Variants in CTNNA2 observed in about 807,000 individuals in gnomAD.
CTNNA2 encodes catenin alpha-2.
A neutral mutation model predicts 101.0 loss-of-function variants in CTNNA2; 42 were observed. That is an observed-to-expected ratio of 0.42 (90% CI 0.32 to 0.54). The LOEUF (loss-of-function observed/expected upper bound fraction) is 0.54. Ranked by LOEUF, CTNNA2 falls within the 20% of genes least tolerant of loss-of-function variation. The pLI is 0.14. For missense variants in CTNNA2, 871 were observed against 1,223.1 expected, an observed-to-expected ratio of 0.71 and a Z score of 4.29; for synonymous variants, 450 against 456.4, an observed-to-expected ratio of 0.99 and a Z score of 0.18.
chr2:79,321,712 C>T (rs1676627820), intron 3 of CTNNA2, among the ~76,000 whole-genome samples: 1 of 152,178 alleles, frequency 6.6e-6, no homozygotes, highest in Admixed American at 6.5e-5. Context: ...CTGTCTCTGG[C>T]TACCTTCGTG....
chr2:79,297,718 T>A (rs1676014824), intron 2 of CTNNA2, among the ~76,000 whole-genome samples: 2 of 152,218 alleles, frequency 1.3e-5, no homozygotes, highest in Non-Finnish European at 2.9e-5. Flanking sequence ...CTCATTGCTT[T>A]AACTCTATCA....
chr2:79,692,723 C>T (rs148557380), intron 2 of CTNNA2, among the ~76,000 whole-genome samples: 10,662 of 151,734 alleles, frequency 0.07, 410 homozygotes, highest in Non-Finnish European at 0.088. Flanking sequence ...GTCCTTTGCA[C>T]GGACATGGAT....
chr2:79,198,518 T>C (rs1673991535), intron 2 of CTNNA2, among the ~76,000 whole-genome samples: 1 of 152,186 alleles, frequency 6.6e-6, no homozygotes, highest in East Asian at 1.9e-4. Flanking sequence ...AGAGTGACTC[T>C]CTCTGAGGAA....
chr2:80,248,985 C>T lies in CTNNA2; in HGVS notation c.1057-144226C>T, dbSNP rs141931729. On this transcript the variant is annotated intron_variant, in intron 7 of 18. Coordinates refer to ENST00000402739, the MANE Select transcript of CTNNA2 (RefSeq NM_001282597.3). ...TTACATGCTGAACATGGTGATTGCACGGTCAGGTGGCAGAGCCTGATTTAC... is the reference window on the plus strand; with the variant it reads ...TTACATGCTGAACATGGTGATTGCATGGTCAGGTGGCAGAGCCTGATTTAC... Among the ~76,000 whole-genome samples the T allele has an allele frequency of 4.4e-3, 671 of 152,216 alleles. 4 individuals carry two copies. The highest frequency in any genetic ancestry group is 4.7e-3 in the Non-Finnish European group (323 of 68,024).
intron 2 of CTNNA2, among the ~76,000 whole-genome samples, chr2:79,304,861 G>C (rs1676195999): frequency 6.6e-6 from 1 of 152,160 alleles, no homozygotes; most frequent in Non-Finnish European, 1.5e-5. Context: ...GAGGCATGAA[G>C]AAATGAATTG....
chr2:79,834,914 A>G (rs969885356), intron 3 of CTNNA2, among the ~76,000 whole-genome samples: 2 of 152,022 alleles, frequency 1.3e-5, no homozygotes, highest in Non-Finnish European at 2.9e-5. Flanking sequence ...TTCTTAGTCA[A>G]TATTTAGCAC....
At chr2:80,166,344 G>A (rs556912651) in intron 7 of CTNNA2, among the ~76,000 whole-genome samples, 71 of 152,270 alleles carry the variant, frequency 4.7e-4, no homozygotes, top group African/African-American at 1.5e-3. Flanking sequence ...GAGGAGGACT[G>A]GAGATTGACT....
At chr2:79,350,249 A>G (rs568447479) in intron 3 of CTNNA2, among the ~76,000 whole-genome samples, 2 of 152,104 alleles carry the variant, frequency 1.3e-5, no homozygotes, top group South Asian at 4.1e-4. Context: ...TGACAATTTT[A>G]TCCAATAGGT....
chr2:80,143,799 A>G (rs1007124634), intron 7 of CTNNA2, among the ~76,000 whole-genome samples: 1 of 152,182 alleles, frequency 6.6e-6, no homozygotes, highest in Non-Finnish European at 1.5e-5. Flanking sequence ...TGTTTTGCCA[A>G]ATACTTGAGT....
chr2:80,497,773 GT>G, intron 9 of CTNNA2, among the ~76,000 whole-genome samples: 1 of 152,210 alleles, frequency 6.6e-6, no homozygotes, highest in Non-Finnish European at 1.5e-5. Flanking sequence ...GGAAGGAACA[GT>G]GGGAAGCCTC....
chr2:80,095,156 T>G (rs1700064024), intron 7 of CTNNA2, among the ~76,000 whole-genome samples: 1 of 152,236 alleles, frequency 6.6e-6, no homozygotes, highest in African/African-American at 2.4e-5. Flanking sequence ...TAGATAGCTC[T>G]TATTATTTTG....
intron 8 of CTNNA2, among the ~76,000 whole-genome samples, chr2:80,411,963 A>G (rs1176786770): frequency 6.6e-6 from 1 of 152,112 alleles, no homozygotes; most frequent in Non-Finnish European, 1.5e-5. Flanking sequence ...TCACCGCTGC[A>G]GTTACTTCTG....
chr2:79,763,547 GTAT>G (rs1382118437), intron 3 of CTNNA2, among the ~76,000 whole-genome samples: 4 of 152,106 alleles, frequency 2.6e-5, no homozygotes, highest in African/African-American at 9.7e-5. Context: ...AGAAGGTAGA[GTAT>G]TATTATAAGT....
intron 1 of CTNNA2, among the ~76,000 whole-genome samples, chr2:79,538,049 T>C (rs1414404715): frequency 6.6e-6 from 1 of 152,170 alleles, no homozygotes; most frequent in Non-Finnish European, 1.5e-5. Flanking sequence ...TTAAACTCCA[T>C]TCACTCAATG....
At chr2:79,204,550 G>A (rs1674077712) in intron 2 of CTNNA2, among the ~76,000 whole-genome samples, 1 of 152,158 alleles carries the variant, frequency 6.6e-6, no homozygotes, top group Non-Finnish European at 1.5e-5. Context: ...GAGTCTTTGA[G>A]GAGATTTTAA....
chr2:79,990,208 C>T (rs561768831), intron 7 of CTNNA2, among the ~76,000 whole-genome samples: 9 of 152,188 alleles, frequency 5.9e-5, no homozygotes, highest in African/African-American at 2.2e-4. Context: ...AGCAGCGCAA[C>T]CCCAGGGAAC....
chr2:79,480,118 A>G (rs957832860), intron 4 of CTNNA2, among the ~76,000 whole-genome samples: 5 of 152,130 alleles, frequency 3.3e-5, no homozygotes, highest in African/African-American at 9.6e-5. Context: ...AGAGGAGGCA[A>G]GAGAGAGAAG....
chr2:79,342,109 G>A (rs1677151380), intron 3 of CTNNA2, among the ~76,000 whole-genome samples: 2 of 152,124 alleles, frequency 1.3e-5, no homozygotes, highest in South Asian at 4.1e-4. Context: ...ATTAAATGCA[G>A]CAACTTCTGT....
chr2:80,151,678 C>T (rs1418950154), intron 7 of CTNNA2, among the ~76,000 whole-genome samples: 2 of 152,192 alleles, frequency 1.3e-5, no homozygotes, highest in East Asian at 3.9e-4. Context: ...CCACCAGCAT[C>T]CATGACAGGC....
Sources: allele counts gnomAD v4.1 joint callset (sites outside exome capture counted in the v4.1 genomes callset), GRCh38; gene constraint gnomAD v4.1.1; transcripts MANE v1.5; gene names NCBI Gene and HGNC (gene_info 2026-07-23, HGNC 2026-07-21).